The following DPP6 variants were observed in gnomAD, a reference collection of about 807,000 sequenced individuals.
The protein encoded by DPP6 is dipeptidyl peptidase like 6.
A neutral mutation model predicts 122.6 loss-of-function variants in DPP6; 69 were observed. That is an observed-to-expected ratio of 0.56 (90% CI 0.46 to 0.69). DPP6 has a LOEUF of 0.69. Ranked by LOEUF, DPP6 falls within the 30% of genes least tolerant of loss-of-function variation. DPP6 has a pLI of 0.00. For synonymous variants in DPP6, 418 were observed against 433.1 expected, an observed-to-expected ratio of 0.97 and a Z score of 0.43; for missense variants, 928 against 1,116.9, an observed-to-expected ratio of 0.83 and a Z score of 2.41.
rs572253074 is a variant in DPP6, at chr7:154,676,348, G to C, written c.762+6907G>C. On this transcript the variant is annotated intron_variant, in intron 7 of 25. Coordinates refer to ENST00000377770, the MANE Select transcript of DPP6 (RefSeq NM_130797.4). ...CCGGGCTGCGGCCATGGGGCGTGCTGTCTGGAGGTCCAGCTGGCCTTCCCC... is the reference window on the plus strand; with the variant it reads ...CCGGGCTGCGGCCATGGGGCGTGCTCTCTGGAGGTCCAGCTGGCCTTCCCC... 1.9e-4 allele frequency among the ~76,000 whole-genome samples: 21 copies of C among 112,412 alleles called. 3 individuals are homozygous for C. Among genetic ancestry groups the C allele is most frequent in the African/African-American group, 5.8e-4 (21 of 36,030 alleles). The allele number at this position is 112,412 out of a possible 152,430, so 73.7% of individuals were successfully genotyped here. A position where few individuals can be genotyped will look rare whatever the true frequency, so the allele number is the denominator to read the frequency against.
At chr7:154,475,898 G>A (rs2151351567) in intron 3 of DPP6, 1 of 152,384 alleles carries the variant, frequency 6.6e-6, no homozygotes, top group East Asian at 1.9e-4. Flanking sequence ...ATGAGGTCCA[G>A]AGAGGTCAAG....
intron 5 of DPP6, among the ~76,000 whole-genome samples, chr7:154,573,703 C>T (rs1008626775): frequency 4.0e-5 from 6 of 151,468 alleles, no homozygotes; most frequent in African/African-American, 7.3e-5. Context: ...CAAAAATGGT[C>T]ATCACTGATT....
the DPP6 span, among the ~76,000 whole-genome samples, chr7:153,827,558 C>T: frequency 8.5e-5 from 13 of 152,150 alleles, no homozygotes; most frequent in African/African-American, 3.1e-4. Flanking sequence ...GAGAGGCTGA[C>T]ACAAAACCCT....
At chr7:154,492,588 G>A (rs1229820956) in intron 3 of DPP6, among the ~76,000 whole-genome samples, 1 of 152,118 alleles carries the variant, frequency 6.6e-6, no homozygotes, top group Non-Finnish European at 1.5e-5. Flanking sequence ...CGGGTGTTAT[G>A]AGTACATCAG....
intron 1 of DPP6, among the ~76,000 whole-genome samples, chr7:153,933,404 G>T (rs1002134280): frequency 1.3e-5 from 2 of 152,110 alleles, no homozygotes; most frequent in African/African-American, 4.8e-5. Flanking sequence ...GTCCAATTTG[G>T]GTAAACCTTT....
In DPP6 at chr7:154,540,617, C is replaced by A. The variant is rs1563825439; in HGVS notation, c.543C>A (p.Gly181=). 4 of 1,563,390 alleles carry A rather than the reference C, an allele frequency of 2.6e-6. No homozygotes were observed. The highest frequency in any genetic ancestry group is 3.9e-5 in the Admixed American group (2 of 50,844). ...ETNTSTVLIE[G]KKIESLRAIR... ...ATACTTCTACTGTCTTAATAGAAGGCAAAAAAATTGTAAGTACTCTCTTTA... is the reference window on the plus strand; with the variant it reads ...ATACTTCTACTGTCTTAATAGAAGGAAAAAAAATTGTAAGTACTCTCTTTA... The change falls in exon 4 of 26, where the codon GGC becomes GGA. Residue 181 remains glycine (G), a synonymous_variant. Coordinates refer to ENST00000377770, the MANE Select transcript of DPP6 (RefSeq NM_130797.4).
At chr7:154,048,688 A>C (rs543096896), upstream of DPP6, among the ~76,000 whole-genome samples, 1 of 93,466 alleles carries the variant, frequency 1.1e-5, no homozygotes, top group African/African-American at 3.9e-5. Context: ...GGAAAAGAAA[A>C]AACAGTCTTA....
intron 1 of DPP6, among the ~76,000 whole-genome samples, chr7:154,087,724 T>C (rs148493019): frequency 2.3e-3 from 357 of 152,304 alleles, no homozygotes; most frequent in Middle Eastern, 0.01. Context: ...TCTCTGAGGA[T>C]TTGTTAAATT....
intron 1 of DPP6, among the ~76,000 whole-genome samples, chr7:154,165,140 A>G (rs1455726033): frequency 3.4e-5 from 5 of 145,930 alleles, no homozygotes; most frequent in South Asian, 2.2e-4. Context: ...ATATCTCCCA[A>G]TACTATCCCT....
intron 1 of DPP6, among the ~76,000 whole-genome samples, chr7:153,889,998 G>A (rs1236296937): frequency 6.6e-6 from 1 of 152,174 alleles, no homozygotes; most frequent in African/African-American, 2.4e-5. Flanking sequence ...AAGTTGCTTT[G>A]GAAGACTCTT....
At chr7:154,701,954 T>TTGTAGCAACCCTGCTTTGAGCAGGTC (rs1183019237) in intron 7 of DPP6, among the ~76,000 whole-genome samples, 7 of 152,222 alleles carry the variant, frequency 4.6e-5, no homozygotes, top group African/African-American at 1.7e-4. Context: ...AATTGAAGGT[T>TTGTAGCAACCCTGCTTTGAGCAGGTC]TGTAGCAACC....
the DPP6 span, among the ~76,000 whole-genome samples, chr7:153,784,034 A>G: frequency 6.6e-6 from 1 of 152,262 alleles, no homozygotes; most frequent in Non-Finnish European, 1.5e-5. Flanking sequence ...GGAACACAGT[A>G]GTTACCCTAT....
chr7:153,956,683 A>T (rs1261889860), intron 1 of DPP6, among the ~76,000 whole-genome samples: 1 of 152,118 alleles, frequency 6.6e-6, no homozygotes, highest in Non-Finnish European at 1.5e-5. Context: ...AGTCTTTCTT[A>T]CTTTCAGCCT....
At chr7:153,750,110 T>C in the DPP6 span, among the ~76,000 whole-genome samples, 1 of 152,332 alleles carries the variant, frequency 6.6e-6, no homozygotes, top group African/African-American at 2.4e-5. Flanking sequence ...AAGTGAGTAA[T>C]GATATTGGAT....
the DPP6 span, among the ~76,000 whole-genome samples, chr7:153,858,513 G>C: frequency 6.6e-6 from 1 of 152,106 alleles, no homozygotes; most frequent in South Asian, 2.1e-4. Context: ...TGATGACGCT[G>C]TCCTCCCACT....
At chr7:153,803,032 G>A in the DPP6 span, among the ~76,000 whole-genome samples, 741 of 150,922 alleles carry the variant, frequency 4.9e-3, 3 homozygotes, top group African/African-American at 0.012. Flanking sequence ...TGTGTTCCAC[G>A]TCTGTGAGAG....
chr7:154,402,004 C>T (rs1196288308), intron 1 of DPP6, among the ~76,000 whole-genome samples: 1 of 152,132 alleles, frequency 6.6e-6, no homozygotes, highest in Non-Finnish European at 1.5e-5. Flanking sequence ...AAAATGCTCA[C>T]CATCACTGGC....
chr7:154,337,716 G>A (rs949911411), intron 1 of DPP6, among the ~76,000 whole-genome samples: 1 of 152,330 alleles, frequency 6.6e-6, no homozygotes, highest in South Asian at 2.1e-4. Flanking sequence ...GAACGCAAGG[G>A]ATAAAAGATG....
intron 5 of DPP6, among the ~76,000 whole-genome samples, chr7:154,577,184 C>T (rs1234235493): frequency 1.3e-5 from 2 of 152,062 alleles, no homozygotes; most frequent in African/African-American, 2.4e-5. Context: ...TCAGAGATCC[C>T]AGGGACTCAC....
Sources: gnomAD v4.1 joint callset for allele counts (sites outside exome capture counted in the v4.1 genomes callset) on GRCh38, gnomAD v4.1.1 for gene constraint, MANE v1.5 for transcripts, NCBI Gene and HGNC (gene_info 2026-07-23, HGNC 2026-07-21) for gene names.